SOBP: variants seen among roughly 807,000 people sequenced by gnomAD.
The protein encoded by SOBP is sine oculis binding protein homolog, also known as sine oculis-binding protein homolog.
A neutral mutation model predicts 53.6 loss-of-function variants in SOBP; 4 were observed. The ratio of observed to expected loss-of-function variants is 0.07; its 90% CI spans 0.04 to 0.17. The LOEUF is 0.17. Among genes scored for constraint, SOBP ranks in the 10% least tolerant of loss-of-function variants. The pLI is 1.00. For missense variants in SOBP, 1,088 were observed against 1,204.7 expected, an observed-to-expected ratio of 0.90 and a Z score of 1.43; for synonymous variants, 584 against 522.6, an observed-to-expected ratio of 1.12 and a Z score of -1.60.
rs1000959066 is a variant in SOBP at position 107,635,590 on chromosome 6, C to T, written c.*3+121C>T. 5.9e-6 allele frequency: 8 copies of T among 1,348,388 alleles called. No homozygotes were observed. The highest frequency in any genetic ancestry group is 1.8e-5 in the Admixed American group (1 of 54,234). The allele number at this position is 1,348,388 out of a possible 1,614,324, so 83.5% of individuals were successfully genotyped here. On this transcript the variant is annotated intron_variant, in intron 6 of 6. Transcript: ENST00000317357. This position sits in a 1 kb window ranked among gnomAD's most constrained non-coding sequence, Gnocchi z 4.5. ...TTTACCGTGTGTGTTTTATATTGCA[C>T]ACGGTGTGGTCACGCTATCAACATT... is the stretch of plus-strand genomic sequence containing the variant.
At chr6:107,602,903 G>A (rs1003641140) in intron 5 of SOBP, among the ~76,000 whole-genome samples, 3 of 152,124 alleles carry the variant, frequency 2.0e-5, no homozygotes, top group Admixed American at 1.3e-4. Context: ...GACAGAGGCA[G>A]CAGTGGGCTT....
chr6:107,638,519 G>GT (rs1290040525), intron 6 of SOBP, among the ~76,000 whole-genome samples: 3 of 152,088 alleles, frequency 2.0e-5, no homozygotes, highest in African/African-American at 7.2e-5. Context: ...GCCCCTTCCT[G>GT]TTTTTTTGTG....
intron 5 of SOBP, among the ~76,000 whole-genome samples, chr6:107,589,844 C>T (rs955531929): frequency 1.3e-5 from 2 of 152,304 alleles, no homozygotes; most frequent in African/African-American, 2.4e-5. Context: ...TGCAGGCATG[C>T]GCACACACGT....
At chr6:107,518,582 A>G (rs72943593) in intron 3 of SOBP, among the ~76,000 whole-genome samples, 8,242 of 152,256 alleles carry the variant, frequency 0.054, 296 homozygotes, top group Middle Eastern at 0.092. Flanking sequence ...TAATCTTCAT[A>G]GCAGCATTTA....
intron 3 of SOBP, among the ~76,000 whole-genome samples, chr6:107,510,214 A>G (rs1435733220): frequency 6.6e-6 from 1 of 152,210 alleles, no homozygotes; most frequent in Admixed American, 6.5e-5. Flanking sequence ...GCTGTGTTCC[A>G]ATAAAGTTTT....
Position 107,533,295 on chromosome 6 carries a change from A to AG in SOBP, c.422-164_422-163insG, listed in dbSNP as rs1554291974. ...CCAAAAAAAAAAAAAAAAAAAAAAA[A>AG]AGAGAGAGAGAAAGAGAGAGAGAGA... On this transcript the variant is annotated intron_variant, in intron 3 of 6. Coordinates refer to ENST00000317357, the MANE Select transcript of SOBP (RefSeq NM_018013.4). 2.2e-4 allele frequency among the ~76,000 whole-genome samples: 32 copies of AG among 146,362 alleles called. No homozygotes were observed. The South Asian group carries it at 4.2e-3, about 19-fold the overall frequency.
At chr6:107,572,817 CG>C (rs1562624237) in intron 4 of SOBP, among the ~76,000 whole-genome samples, 1 of 152,042 alleles carries the variant, frequency 6.6e-6, no homozygotes, top group Non-Finnish European at 1.5e-5. Flanking sequence ...ACAAAGTTTA[CG>C]TAGGGTGAAG....
intron 5 of SOBP, among the ~76,000 whole-genome samples, chr6:107,615,260 T>C (rs139936304): frequency 1.3e-3 from 204 of 152,252 alleles, no homozygotes; most frequent in African/African-American, 4.7e-3. Context: ...TTTATTTAGC[T>C]CAGAACAAGG....
intron 5 of SOBP, among the ~76,000 whole-genome samples, chr6:107,605,055 C>T (rs1383534823): frequency 6.6e-6 from 1 of 152,196 alleles, no homozygotes; most frequent in Non-Finnish European, 1.5e-5. Flanking sequence ...TTCCTCCTCC[C>T]CCCTCCACTC....
At chr6:107,549,771 A>C (rs1229498230) in intron 4 of SOBP, among the ~76,000 whole-genome samples, 1 of 152,190 alleles carries the variant, frequency 6.6e-6, no homozygotes, top group Non-Finnish European at 1.5e-5. Context: ...GGGGCAAGTA[A>C]AGGTGATATA....
chr6:107,588,843 A>G lies in SOBP; in HGVS notation c.669+1668A>G, dbSNP rs188425189. On this transcript the variant is annotated intron_variant, in intron 5 of 6. Coordinates refer to ENST00000317357, the MANE Select transcript of SOBP (RefSeq NM_018013.4). ...GCAGTAGTTTTGAGCAATTTGGTAC[A>G]ATCTTCGTCCTTCCAGTCACTGTTA... Among the ~76,000 whole-genome samples, 454 of 152,332 alleles carry G rather than the reference A, an allele frequency of 3.0e-3. 2 individuals are homozygous for G. Among genetic ancestry groups the G allele is most frequent in the African/African-American group, 0.01 (418 of 41,578 alleles).
At chr6:107,569,140 C>G (rs1286985498) in intron 4 of SOBP, among the ~76,000 whole-genome samples, 2 of 152,104 alleles carry the variant, frequency 1.3e-5, no homozygotes, top group Non-Finnish European at 2.9e-5. Context: ...ACAGGGAGTT[C>G]TGAATCCTGA....
chr6:107,560,776 A>G (rs1358200187), intron 4 of SOBP, among the ~76,000 whole-genome samples: 2 of 152,076 alleles, frequency 1.3e-5, no homozygotes, highest in Admixed American at 6.5e-5. Flanking sequence ...CTTTTTCCCC[A>G]CCAGACTGTG....
intron 6 of SOBP, among the ~76,000 whole-genome samples, chr6:107,655,892 A>G (rs1772012481): frequency 1.3e-5 from 2 of 152,362 alleles, no homozygotes; most frequent in Admixed American, 1.3e-4. Flanking sequence ...TGATTGCATT[A>G]AAGAAAAAAG....
chr6:107,528,860 C>T (rs779454041), intron 3 of SOBP, among the ~76,000 whole-genome samples: 4 of 152,144 alleles, frequency 2.6e-5, no homozygotes, highest in Non-Finnish European at 2.9e-5. Context: ...ATGGCCTGGT[C>T]CTCAGTAAGG....
At chr6:107,533,287 AAAAAAAAAAG>A in intron 3 of SOBP, among the ~76,000 whole-genome samples, 162 bp from the exon 4 acceptor site, 1 of 150,250 alleles carries the variant, frequency 6.7e-6, no homozygotes, top group Admixed American at 6.6e-5. Flanking sequence ...AAAAAAAAAA[AAAAAAAAAAG>A]AGAGAGAGAA....
rs1417273776 is a variant in SOBP at position 107,634,035 on chromosome 6, C to T, written c.1191C>T (p.Ile397=). The T allele has an allele frequency of 6.2e-7, 1 of 1,610,556 alleles. No homozygotes were observed. The highest frequency in any genetic ancestry group is 8.5e-7 in the Non-Finnish European group (1 of 1,178,234). Residue 397 remains isoleucine (I), a synonymous_variant, in exon 6 of 7, where the codon ATC becomes ATT. Transcript: ENST00000317357. This position sits in a 1 kb window ranked among gnomAD's most constrained non-coding sequence, Gnocchi z 4.5. ...MTNRGPVPLP[I]FMEQQIMQQI... Reference sequence around the variant, plus strand: ...ACCGCGGCCCGGTGCCGCTGCCCATCTTCATGGAGCAGCAGATCATGCAGC... The same window carrying T: ...ACCGCGGCCCGGTGCCGCTGCCCATTTTCATGGAGCAGCAGATCATGCAGC...
intron 5 of SOBP, among the ~76,000 whole-genome samples, chr6:107,605,793 G>A (rs541796154): frequency 1.6e-4 from 24 of 152,284 alleles, no homozygotes; most frequent in African/African-American, 5.3e-4. Flanking sequence ...CACCGGCAGC[G>A]GGGACATTGC....
At chr6:107,638,589 G>A (rs1335526533) in intron 6 of SOBP, among the ~76,000 whole-genome samples, 2 of 152,202 alleles carry the variant, frequency 1.3e-5, no homozygotes, top group South Asian at 4.2e-4. Flanking sequence ...ATATGGTTGG[G>A]GAAATTGGAA....
Sources: allele counts gnomAD v4.1 joint callset (sites outside exome capture counted in the v4.1 genomes callset), GRCh38; gene constraint gnomAD v4.1.1; non-coding constraint Gnocchi (gnomAD v3.1); transcripts MANE v1.5; gene names NCBI Gene and HGNC (gene_info 2026-07-23, HGNC 2026-07-21).